NRG1: variants seen among roughly 807,000 people sequenced by gnomAD.
NRG1 encodes neuregulin 1, also known as pro-neuregulin-1, membrane-bound isoform.
In NRG1, 18 loss-of-function variants were observed where a neutral mutation model predicts 63.8. That is an observed-to-expected ratio of 0.28 (90% confidence interval 0.19 to 0.42). The LOEUF (loss-of-function observed/expected upper bound fraction) is 0.42. Among genes scored for constraint, NRG1 ranks in the 10% least tolerant of loss-of-function variants. The pLI, the probability that NRG1 is intolerant of heterozygous loss-of-function variation, is 1.00. For missense variants in NRG1, 762 were observed against 814.7 expected (o/e 0.94, Z 0.79); for synonymous variants, 302 against 301.3 (o/e 1.00, Z -0.02).
chr8:32,764,841 A>G (rs979543579), exon 12 of NRG1: 1 of 154,824 alleles, frequency 6.5e-6, no homozygotes, highest in Non-Finnish European at 1.4e-5. Context: ...CCATCCAGAT[A>G]TGCCTCTCTT....
At chr8:31,679,359 C>G (rs1323069807) in intron 1 of NRG1, among the ~76,000 whole-genome samples, 3 of 151,880 alleles carry the variant, frequency 2.0e-5, no homozygotes, top group Non-Finnish European at 4.4e-5. Context: ...TTTATTTGTT[C>G]TTTCTTAATA....
intron 1 of NRG1, among the ~76,000 whole-genome samples, chr8:32,029,168 C>T (rs1221951473): frequency 6.6e-6 from 1 of 152,158 alleles, no homozygotes; most frequent in Non-Finnish European, 1.5e-5. Flanking sequence ...TTTTCTCTAA[C>T]ACATTTTTCT....
At chr8:32,242,787 G>A (rs1445719919) in intron 1 of NRG1, among the ~76,000 whole-genome samples, 1 of 152,110 alleles carries the variant, frequency 6.6e-6, no homozygotes, top group Non-Finnish European at 1.5e-5. Flanking sequence ...ACCAGTTTAT[G>A]CGATGCATAC....
At chr8:32,524,157 T>A (rs1199973339) in intron 1 of NRG1, among the ~76,000 whole-genome samples, 1 of 151,976 alleles carries the variant, frequency 6.6e-6, no homozygotes, top group Non-Finnish European at 1.5e-5. Context: ...TGTGGTGGCA[T>A]GTGCCTGTAG....
At chr8:32,317,433 CA>C (rs1857530102) in intron 1 of NRG1, among the ~76,000 whole-genome samples, 1 of 152,158 alleles carries the variant, frequency 6.6e-6, no homozygotes, top group Non-Finnish European at 1.5e-5. Flanking sequence ...ATCATTGAAA[CA>C]AAGCCGAGGA....
At chr8:31,785,356 G>A (rs1820071398) in intron 1 of NRG1, among the ~76,000 whole-genome samples, 1 of 152,212 alleles carries the variant, frequency 6.6e-6, no homozygotes, top group Non-Finnish European at 1.5e-5. Context: ...AAAACTGAAC[G>A]TGGAACCCTG....
intron 1 of NRG1, among the ~76,000 whole-genome samples, chr8:32,363,130 C>A (rs1474745261): frequency 6.6e-6 from 1 of 152,168 alleles, no homozygotes; most frequent in Non-Finnish European, 1.5e-5. Context: ...CATCTTCAAA[C>A]TTTTTCCATA....
chr8:32,339,777 C>G (rs1586912966), intron 1 of NRG1, among the ~76,000 whole-genome samples: 1 of 152,144 alleles, frequency 6.6e-6, no homozygotes, highest in South Asian at 2.1e-4. Flanking sequence ...TCAACTTTCT[C>G]CAGAGTTTAT....
At chr8:32,551,975 A>G (rs1296495857) in intron 1 of NRG1, among the ~76,000 whole-genome samples, 2 of 147,416 alleles carry the variant, frequency 1.4e-5, no homozygotes, top group African/African-American at 5.0e-5. Flanking sequence ...AGTGGGTGCA[A>G]TCTCGGCTCA....
Position 32,408,349 on chromosome 8 carries a change from G to A in NRG1, c.38-187479G>A, listed in dbSNP as rs536381252. On this transcript the variant is annotated intron_variant, in intron 1 of 10. Coordinates refer to the NRG1 transcript ENST00000519301. ...GTCAGGGAGGGTGGGCCAGCTGGCC[G>A]AGATGTGCAGTCCAGTCCAGAGTTC... Among the ~76,000 whole-genome samples the A allele has an allele frequency of 2.6e-5, 4 of 152,274 alleles. No homozygotes were observed. The South Asian group carries it at 6.2e-4, about 24-fold the overall frequency.
At chr8:32,535,538 G>A (rs541398801) in intron 1 of NRG1, among the ~76,000 whole-genome samples, 169 of 152,164 alleles carry the variant, frequency 1.1e-3, no homozygotes, top group Non-Finnish European at 1.7e-3. Flanking sequence ...AACTCTTCAG[G>A]TCCTCCTTGG....
intron 1 of NRG1, among the ~76,000 whole-genome samples, chr8:32,164,554 A>G (rs1025319447): frequency 7.9e-5 from 12 of 151,266 alleles, no homozygotes; most frequent in African/African-American, 2.9e-4. Flanking sequence ...CTTCTCTTTA[A>G]ATTTTAACAC....
chr8:32,648,457 T>C, intron 5 of NRG1: 2 of 1,520,358 alleles, frequency 1.3e-6, no homozygotes, highest in Non-Finnish European at 1.8e-6. Flanking sequence ...CCAAAGGACA[T>C]TTCCCTTTCT....
chr8:32,590,932 T>A (rs1273850308), intron 1 of NRG1, among the ~76,000 whole-genome samples: 1 of 152,120 alleles, frequency 6.6e-6, no homozygotes, highest in Non-Finnish European at 1.5e-5. Context: ...TGAAAAAATA[T>A]CCATAAAGAC....
At chr8:32,535,298 A>G (rs752225715) in intron 1 of NRG1, among the ~76,000 whole-genome samples, 4 of 152,188 alleles carry the variant, frequency 2.6e-5, no homozygotes, top group African/African-American at 4.8e-5. Flanking sequence ...GAACATGTAC[A>G]TATTTCCCTA....
intron 1 of NRG1, among the ~76,000 whole-genome samples, chr8:32,010,535 T>A (rs549211535): frequency 1.2e-4 from 18 of 152,220 alleles, no homozygotes; most frequent in Admixed American, 9.2e-4. Context: ...TACTTTTTTT[T>A]AAATCCCTGT....
At position 31,640,768 on chromosome 8, in the gene NRG1, G is replaced by A; in HGVS notation, c.37+1337G>A. On this transcript the variant is annotated intron_variant, in intron 1 of 10. Coordinates refer to the NRG1 transcript ENST00000519301. This position sits in a 1 kb window ranked among gnomAD's most constrained non-coding sequence, Gnocchi z 6.3. ...CCTTGGGGGCGCGAACCCGCGGCGA[G>A]GAGGGCGCATCCCGGGCGCGCGGGC... 1.4e-6 allele frequency: 2 copies of A among 1,463,482 alleles called. No individual in the cohort carries two copies. The highest frequency in any genetic ancestry group is 1.5e-5 in the African/African-American group (1 of 68,846). The allele number at this position is 1,463,482 out of a possible 1,614,324, so 90.7% of individuals were successfully genotyped here. A position where few individuals can be genotyped will look rare whatever the true frequency, so the allele number is the denominator to read the frequency against.
intron 1 of NRG1, among the ~76,000 whole-genome samples, chr8:32,420,008 C>T (rs1289394228): frequency 6.6e-6 from 1 of 152,166 alleles, no homozygotes; most frequent in Non-Finnish European, 1.5e-5. Flanking sequence ...TCAATGGCAT[C>T]AGAGAACTTA....
At chr8:32,650,605 G>T (rs1475359919) in intron 5 of NRG1, among the ~76,000 whole-genome samples, 13 of 128,954 alleles carry the variant, frequency 1.0e-4, no homozygotes, top group Non-Finnish European at 2.0e-4. Flanking sequence ...CTTGTAAGTG[G>T]TTGTTTTTGT....
Sources: allele counts gnomAD v4.1 joint callset (sites outside exome capture counted in the v4.1 genomes callset), GRCh38; gene constraint gnomAD v4.1.1; non-coding constraint Gnocchi (gnomAD v3.1); transcripts MANE v1.5; gene names NCBI Gene and HGNC (gene_info 2026-07-23, HGNC 2026-07-21).